NAALADL2: variants seen among roughly 807,000 people sequenced by gnomAD.
The protein encoded by NAALADL2 is N-acetylated alpha-linked acidic dipeptidase like 2.
In NAALADL2, 76 loss-of-function variants were observed where a neutral mutation model predicts 87.2. That is an observed-to-expected ratio of 0.87 (90% confidence interval 0.72 to 1.05). NAALADL2 has a LOEUF of 1.05. Ranked by LOEUF, NAALADL2 falls within the 50% of genes least tolerant of loss-of-function variation. The pLI is 0.00. For missense variants in NAALADL2, 1,089 were observed against 945.8 expected (o/e 1.15, Z -1.99); for synonymous variants, 354 against 331.0 (o/e 1.07, Z -0.75).
chr3:174,630,626 G>A (rs1005651880), intron 2 of NAALADL2, among the ~76,000 whole-genome samples: 1 of 152,030 alleles, frequency 6.6e-6, no homozygotes, highest in Non-Finnish European at 1.5e-5. Context: ...AAATTTATTG[G>A]TAAAGAAGTC....
chr3:175,160,771 T>TC (rs369162343), intron 2 of NAALADL2, among the ~76,000 whole-genome samples: 7 of 152,302 alleles, frequency 4.6e-5, no homozygotes, highest in African/African-American at 1.4e-4. Context: ...TCTAAGAGTT[T>TC]CAAAGTTAAA....
chr3:175,604,417 C>A (rs1723397591), intron 10 of NAALADL2, among the ~76,000 whole-genome samples: 1 of 151,476 alleles, frequency 6.6e-6, no homozygotes, highest in African/African-American at 2.4e-5. Context: ...CATTCTCCTG[C>A]CTCAGCCTCC....
intron 13 of NAALADL2, among the ~76,000 whole-genome samples, chr3:175,767,293 T>G (rs1409353222): frequency 6.6e-6 from 1 of 152,158 alleles, no homozygotes; most frequent in Non-Finnish European, 1.5e-5. Context: ...ATGGATGAAA[T>G]GGGAAGTACT....
rs572830577 is a variant in NAALADL2, at chr3:175,508,394, C to T, written c.1653+36636C>T. Among the ~76,000 whole-genome samples, 6 of 152,208 alleles carry T rather than the reference C, an allele frequency of 3.9e-5. No homozygotes were observed. The East Asian group carries it at 9.7e-4, about 25-fold the overall frequency. ...ACCTCTCTTTTTAGTGCCTATTTAC[C>T]TCCTTAAATATTTCCAAACACCTCA... On this transcript the variant is annotated intron_variant, in intron 9 of 13. Transcript: ENST00000454872.
chr3:175,756,017 A>T (rs1334834188), intron 13 of NAALADL2, among the ~76,000 whole-genome samples: 1 of 152,164 alleles, frequency 6.6e-6, no homozygotes, highest in African/African-American at 2.4e-5. Context: ...TTGTTTTTGA[A>T]GTTCCTTATA....
intron 4 of NAALADL2, among the ~76,000 whole-genome samples, chr3:175,295,082 G>T (rs1756142939): frequency 6.6e-6 from 1 of 152,092 alleles, no homozygotes; most frequent in South Asian, 2.1e-4. Context: ...CATGCAGTCA[G>T]GTAAAAGAGT....
intron 2 of NAALADL2, among the ~76,000 whole-genome samples, chr3:175,167,013 A>G (rs1174280374): frequency 6.6e-6 from 1 of 151,880 alleles, no homozygotes; most frequent in Non-Finnish European, 1.5e-5. Context: ...ATTTTCTTTC[A>G]CTTCCTAATC....
intron 1 of NAALADL2, among the ~76,000 whole-genome samples, chr3:174,525,722 T>C (rs1241897449): frequency 6.6e-6 from 1 of 152,260 alleles, no homozygotes; most frequent in African/African-American, 2.4e-5. Context: ...GTCTTTCAGA[T>C]GTTTGGATGG....
intron 3 of NAALADL2, among the ~76,000 whole-genome samples, chr3:174,772,519 G>C (rs1256751712): frequency 6.6e-6 from 1 of 152,118 alleles, no homozygotes; most frequent in Non-Finnish European, 1.5e-5. Flanking sequence ...AAGTAGCAGA[G>C]ACTATTGATT....
At chr3:175,325,523 C>T (rs987848332) in intron 5 of NAALADL2, among the ~76,000 whole-genome samples, 1 of 152,212 alleles carries the variant, frequency 6.6e-6, no homozygotes, top group Non-Finnish European at 1.5e-5. Context: ...CACTCACTGT[C>T]CTGCATTGTA....
upstream of NAALADL2, chr3:174,859,229 A>C: frequency 1.7e-6 from 1 of 590,344 alleles, no homozygotes; most frequent in East Asian, 2.8e-5. Flanking sequence ...ATCTCACTTC[A>C]TAGTAAAACA....
At chr3:174,897,743 A>G (rs1464468606) in intron 1 of NAALADL2, among the ~76,000 whole-genome samples, 2 of 152,208 alleles carry the variant, frequency 1.3e-5, no homozygotes, top group East Asian at 3.9e-4. Flanking sequence ...ATTACATACA[A>G]TAGTTAGGAG....
chr3:175,015,567 A>G (rs926483373), intron 1 of NAALADL2, among the ~76,000 whole-genome samples: 16 of 152,100 alleles, frequency 1.1e-4, no homozygotes, highest in African/African-American at 3.9e-4. Context: ...ATCACTAAGA[A>G]ACGTCTTTGC....
At chr3:175,623,210 G>A (rs1237193518) in intron 10 of NAALADL2, among the ~76,000 whole-genome samples, 2 of 152,090 alleles carry the variant, frequency 1.3e-5, no homozygotes, top group Non-Finnish European at 2.9e-5. Flanking sequence ...GTATATCCAT[G>A]TAAACACCAT....
At chr3:175,114,886 C>G (rs112005422) in intron 2 of NAALADL2, among the ~76,000 whole-genome samples, 8 of 151,728 alleles carry the variant, frequency 5.3e-5, no homozygotes, top group African/African-American at 1.9e-4. Flanking sequence ...TAGTAATTCA[C>G]TTTGGCCAAA....
chr3:175,436,570 G>C (rs1295830284), intron 5 of NAALADL2, among the ~76,000 whole-genome samples: 2 of 147,126 alleles, frequency 1.4e-5, no homozygotes, highest in African/African-American at 5.2e-5. Flanking sequence ...GTATCTTATA[G>C]TGGTTTTGAT....
At chr3:175,145,313 C>T (rs1730585315) in intron 2 of NAALADL2, among the ~76,000 whole-genome samples, 1 of 151,980 alleles carries the variant, frequency 6.6e-6, no homozygotes, top group African/African-American at 2.4e-5. Context: ...TTGTAAGTTG[C>T]TCTTCTTCTT....
At chr3:175,513,160 A>G (rs947325139) in intron 9 of NAALADL2, among the ~76,000 whole-genome samples, 1 of 152,166 alleles carries the variant, frequency 6.6e-6, no homozygotes, top group Non-Finnish European at 1.5e-5. Context: ...TACTTATTTA[A>G]TGAATATTAT....
At chr3:175,281,906 T>G (rs1754357378) in intron 4 of NAALADL2, among the ~76,000 whole-genome samples, 1 of 152,006 alleles carries the variant, frequency 6.6e-6, no homozygotes, top group Admixed American at 6.6e-5. Flanking sequence ...ATTCACTTCT[T>G]AAGACTTCCC....
Sources: allele counts gnomAD v4.1 joint callset (sites outside exome capture counted in the v4.1 genomes callset), GRCh38; gene constraint gnomAD v4.1.1; transcripts MANE v1.5; gene names NCBI Gene and HGNC (gene_info 2026-07-23, HGNC 2026-07-21).